The following DHCR24 variants were observed in gnomAD, a reference collection of about 807,000 sequenced individuals.
The protein encoded by DHCR24 is delta(24)-sterol reductase.
Under a neutral mutation model 61.2 loss-of-function variants are expected in DHCR24, and 28 were observed. The ratio of observed to expected loss-of-function variants is 0.46; its 90% confidence interval spans 0.34 to 0.63. The LOEUF is 0.63. Among genes scored for constraint, DHCR24 ranks in the 20% least tolerant of loss-of-function variants. The pLI is 0.01. For missense variants in DHCR24, 538 were observed against 679.1 expected, an observed-to-expected ratio of 0.79 and a Z score of 2.31; for synonymous variants, 261 against 275.9, an observed-to-expected ratio of 0.95 and a Z score of 0.54.
At position 54,879,322 on chromosome 1, in the gene DHCR24, G is replaced by GGGAAAAAAAAAAAAAAA. The variant is rs1647052099; in HGVS notation, c.388-3276_388-3275insTTTTTTTTTTTTTTTCC. Among the ~76,000 whole-genome samples the GGGAAAAAAAAAAAAAAA allele has an allele frequency of 1.8e-5, 2 of 108,502 alleles. 1 individual carries two copies. The allele number at this position is 108,502 out of a possible 152,430, so 71.2% of individuals were successfully genotyped here. ...TGGAGGACAGAGCAAGACTCCATCTGAAAAAAAAAAAAAAAAAAAAAAAAA... is the reference window on the plus strand; with the variant it reads ...TGGAGGACAGAGCAAGACTCCATCTGGGAAAAAAAAAAAAAAAAAAAAAAAAAAAAAAAAAAAAAAAA... On this transcript the variant is annotated intron_variant, in intron 2 of 8. Transcript: ENST00000371269.
At chr1:54,886,551 T>A (rs1647097602) in intron 1 of DHCR24, 2 of 1,301,616 alleles carry the variant, frequency 1.5e-6, no homozygotes, top group Admixed American at 4.4e-5. Flanking sequence ...CTTCCCAATC[T>A]CTAGACCCAG....
chr1:54,854,061 C>G lies in DHCR24; in HGVS notation c.1194G>C (p.Leu398=), dbSNP rs534125512. The G allele has an allele frequency of 4.0e-5, 64 of 1,613,338 alleles. No homozygotes were observed. The highest frequency in any genetic ancestry group is 4.9e-5 in the Non-Finnish European group (58 of 1,179,768). ...CGTGGATGTCGTTTTGGAAGGTGTG[C>G]AGGGCCTGCTGCAGGCACTTCATGG... ...LVPMKCLQQA[L]HTFQNDIHVY... The change falls in exon 7 of 9, where the codon CTG becomes CTC. Residue 398 remains leucine (L), a synonymous_variant. Coordinates refer to ENST00000371269, the MANE Select transcript of DHCR24 (RefSeq NM_014762.4).
At chr1:54,879,267 C>T (rs1182965828) in intron 2 of DHCR24, among the ~76,000 whole-genome samples, 1 of 135,758 alleles carries the variant, frequency 7.4e-6, no homozygotes, top group Non-Finnish European at 1.5e-5. Context: ...TGCAGTGAGC[C>T]GAAATCACGC....
chr1:54,878,231 C>A (rs1318058626), intron 2 of DHCR24, among the ~76,000 whole-genome samples: 1 of 151,916 alleles, frequency 6.6e-6, no homozygotes, highest in Non-Finnish European at 1.5e-5. Context: ...ATAGGCTAGG[C>A]ATGGTGGCTC....
intron 3 of DHCR24, 25 bp from the exon 4 acceptor site, chr1:54,875,236 C>T: frequency 2.5e-6 from 4 of 1,608,650 alleles, no homozygotes; most frequent in South Asian, 1.1e-5. Context: ...CACACAGTGT[C>T]AGCAGGGAGA....
In DHCR24 at chr1:54,854,243, C is replaced by G. The variant is rs759569262; in HGVS notation, c.1021-9G>C. 2.5e-6 allele frequency: 4 copies of G among 1,610,902 alleles called. No individual in the cohort carries two copies. In the African/African-American group the frequency reaches 5.4e-5, roughly 22 times the overall value. ...CCAAAGGGGATAATGTCCTGGAAAA[C>G]AAAGATTAGGGTTGGAGAGAAAAAA... On this transcript the variant is annotated splice_polypyrimidine_tract_variant and intron_variant, in intron 6 of 8. Coordinates refer to ENST00000371269, the MANE Select transcript of DHCR24 (RefSeq NM_014762.4).
At position 54,850,539 on chromosome 1, in the gene DHCR24, T is replaced by G. The variant is rs1042729442; in HGVS notation, c.*1694A>C. On this transcript the variant is annotated 3_prime_UTR_variant, in exon 9 of 9. Coordinates refer to ENST00000371269, the MANE Select transcript of DHCR24 (RefSeq NM_014762.4). ...GCAGTGTGCCAAGCCTTGGGTGGGA[T>G]GGGTGAACACCCTTCAATGACTCTG... The G allele has an allele frequency of 6.6e-6, 1 of 152,212 alleles. No homozygotes were observed. Among genetic ancestry groups the G allele is most frequent in the African/African-American group, 2.4e-5 (1 of 41,448 alleles). 9.4% of individuals were successfully genotyped at this position (152,212 alleles called of 1,614,324 possible).
chr1:54,868,142 T>G (rs970708984), intron 5 of DHCR24, among the ~76,000 whole-genome samples: 3 of 152,204 alleles, frequency 2.0e-5, no homozygotes, highest in Non-Finnish European at 4.4e-5. Context: ...TCTTAAGGGA[T>G]GCCTATCCTT....
chr1:54,875,865 T>C (rs1222737775), intron 3 of DHCR24, 77 bp downstream of exon 3: 11 of 1,153,280 alleles, frequency 9.5e-6, no homozygotes, highest in Admixed American at 1.7e-5. Context: ...CAGGACTAGA[T>C]GGAGGGTGGC....
At chr1:54,875,506 C>T (rs1011287667) in intron 3 of DHCR24, among the ~76,000 whole-genome samples, 2 of 152,036 alleles carry the variant, frequency 1.3e-5, no homozygotes, top group African/African-American at 4.8e-5. Context: ...GTGCATTCAT[C>T]TTGAGAGGGA....
At chr1:54,868,271 CAATCCTGGCTAACACAGTGAA>C (rs1211343754) in intron 5 of DHCR24, among the ~76,000 whole-genome samples, 1 of 152,098 alleles carries the variant, frequency 6.6e-6, no homozygotes, top group East Asian at 1.9e-4. Flanking sequence ...GAGATCGAGA[CAATCCTGGCTAACACAGTGAA>C]ACCCCATCTC....
At chr1:54,875,329 G>T in intron 3 of DHCR24, 118 bp from the exon 4 acceptor site, 2 of 854,336 alleles carry the variant, frequency 2.3e-6, no homozygotes, top group East Asian at 2.4e-5. Flanking sequence ...CAGAAATGGG[G>T]CTGTTGACTT....
intron 2 of DHCR24, among the ~76,000 whole-genome samples, chr1:54,878,412 G>T (rs1156357167): frequency 6.7e-6 from 1 of 148,342 alleles, no homozygotes; most frequent in Non-Finnish European, 1.5e-5. Flanking sequence ...TACTCAGGAA[G>T]CTGAGGCAGG....
At chr1:54,860,708 A>G (rs1168789994) in intron 6 of DHCR24, among the ~76,000 whole-genome samples, 3 of 152,218 alleles carry the variant, frequency 2.0e-5, no homozygotes, top group East Asian at 1.9e-4. Context: ...TGGTGAGGCC[A>G]GGCGCAGTGG....
chr1:54,853,371 C>T lies in DHCR24; in HGVS notation c.1397+63G>A, dbSNP rs1486212058. On this transcript the variant is annotated intron_variant, in intron 8 of 8. Transcript: ENST00000371269. ...GGTTCTCCATAGAGCTGGCCTCATT[C>T]CCCTGGAGCAGTACCCTGGGGCTGT... is the stretch of plus-strand genomic sequence containing the variant. 3.7e-6 allele frequency: 6 copies of T among 1,604,082 alleles called. No individual in the cohort carries two copies. The East Asian group carries it at 1.1e-4, about 30-fold the overall frequency.
chr1:54,866,151 C>T, intron 5 of DHCR24, among the ~76,000 whole-genome samples: 1 of 152,062 alleles, frequency 6.6e-6, no homozygotes, highest in East Asian at 1.9e-4. Context: ...TGAATTCTGG[C>T]AGATGCTCTC....
intron 6 of DHCR24, 127 bp downstream of exon 6, chr1:54,865,176 A>C (rs569806496): frequency 8.6e-7 from 1 of 1,167,566 alleles, no homozygotes; most frequent in African/African-American, 1.5e-5. Flanking sequence ...TTAAGAAGGC[A>C]TTGCAGTTCC....
At chr1:54,878,031 T>C (rs1231097975) in intron 2 of DHCR24, among the ~76,000 whole-genome samples, 1 of 146,618 alleles carries the variant, frequency 6.8e-6, no homozygotes, top group Non-Finnish European at 1.5e-5. Flanking sequence ...GAGGTGAGAG[T>C]TCCAGAAGAC....
In DHCR24 at chr1:54,886,935, C is replaced by A. The variant is rs1647102317; in HGVS notation, c.185G>T (p.Ser62Ile). Reference protein sequence around the residue: ...VRAWVVFKLSSAPRLHEQRVR... With the variant: ...VRAWVVFKLSIAPRLHEQRVR... Reference sequence around the variant, plus strand: ...GCGCTGCTCGTGCAGGCGCGGAGCGCTGCTGAGCTTGAACACCACCCAGGC... The same window carrying A: ...GCGCTGCTCGTGCAGGCGCGGAGCGATGCTGAGCTTGAACACCACCCAGGC... Residue 62 changes from serine to isoleucine, a missense_variant, in exon 1 of 9, where the codon AGC (serine) becomes ATC (isoleucine). Ser to Ile is a moderately radical substitution (Grantham distance 142). Transcript: ENST00000371269. 1 of 1,613,572 alleles carries A rather than the reference C, an allele frequency of 6.2e-7. No individual in the cohort carries two copies. The highest frequency in any genetic ancestry group is 8.5e-7 in the Non-Finnish European group (1 of 1,179,670).
Sources: allele counts gnomAD v4.1 joint callset (sites outside exome capture counted in the v4.1 genomes callset), GRCh38; gene constraint gnomAD v4.1.1; transcripts MANE v1.5; gene names NCBI Gene and HGNC (gene_info 2026-07-23, HGNC 2026-07-21).